Variants in MAGED1 observed in about 807,000 individuals in gnomAD.
The protein encoded by MAGED1 is melanoma-associated antigen D1.
Under a neutral mutation model 54.1 loss-of-function variants are expected in MAGED1, and 3 were observed. That is an observed-to-expected ratio of 0.06 (90% CI 0.03 to 0.14). The LOEUF (loss-of-function observed/expected upper bound fraction) is 0.14, where lower values mean the gene tolerates loss of function less well. Ranked by LOEUF, MAGED1 falls within the 10% of genes least tolerant of loss-of-function variation. MAGED1 has a pLI of 1.00. For synonymous variants in MAGED1, 217 were observed against 227.3 expected (o/e 0.95, Z 0.41); for missense variants, 485 against 623.4 (o/e 0.78, Z 2.36).
upstream of MAGED1, among the ~76,000 whole-genome samples, chrX:51,892,008 A>T (rs1308992359): frequency 8.9e-6 from 1 of 112,250 alleles, no homozygotes; most frequent in Non-Finnish European, 1.9e-5. Context: ...GGCAGAACTG[A>T]TGTTGGCCCT....
At chrX:51,812,235 G>A (rs1282068158) in intron 1 of MAGED1, among the ~76,000 whole-genome samples, 1 of 111,485 alleles carries the variant, frequency 9.0e-6, no homozygotes, top group Non-Finnish European at 1.9e-5. Flanking sequence ...AAAGCTGTGA[G>A]TGGGACCAGA....
At chrX:51,844,545 G>T (rs1338311212) in intron 1 of MAGED1, among the ~76,000 whole-genome samples, 1 of 111,986 alleles carries the variant, frequency 8.9e-6, no homozygotes, top group Non-Finnish European at 1.9e-5. Context: ...AGCTTACTAT[G>T]GAGAGAAAGC....
chrX:51,841,070 A>G (rs1406669697), intron 1 of MAGED1, among the ~76,000 whole-genome samples: 3 of 104,780 alleles, frequency 2.9e-5, no homozygotes, highest in Non-Finnish European at 5.9e-5. Context: ...AAGTGTTCCT[A>G]TTTCTCCACA....
chrX:51,893,843 AT>A (rs1176609211), intron 1 of MAGED1, 88 bp downstream of exon 1: 1 of 111,311 alleles, frequency 9.0e-6, no homozygotes, highest in East Asian at 2.9e-4. Flanking sequence ...TGGATTCTGA[AT>A]CCCCTTCCAC....
chrX:51,894,375 C>T (rs12837412), intron 2 of MAGED1, 26 bp downstream of exon 2: 158,116 of 1,179,693 alleles, frequency 0.13, 7,575 homozygotes, highest in Middle Eastern at 0.15. Context: ...CCCACCCCAC[C>T]ATTTCCCCAG....
At chrX:51,884,143 A>C (rs1928160036) in intron 1 of MAGED1, among the ~76,000 whole-genome samples, 1 of 111,357 alleles carries the variant, frequency 9.0e-6, no homozygotes, top group Non-Finnish European at 1.9e-5. Flanking sequence ...TGGGGGAGAC[A>C]ATCCCACAGA....
chrX:51,839,660 T>C (rs1234257685), intron 1 of MAGED1, among the ~76,000 whole-genome samples: 2 of 112,406 alleles, frequency 1.8e-5, no homozygotes, highest in East Asian at 5.5e-4. Context: ...AGGCTCATAA[T>C]TGACAAAATG....
rs201938318 is a variant in MAGED1 at position 51,895,221 on chromosome X, G to A, written c.214G>A (p.Ala72Thr). 6.5e-5 allele frequency: 79 copies of A among 1,210,152 alleles called. No homozygotes were observed. Among genetic ancestry groups the A allele is most frequent in the Non-Finnish European group, 8.4e-5 (75 of 895,260 alleles). Residue 72 changes from alanine to threonine, a missense_variant, in exon 3 of 13, where the codon GCT (alanine) becomes ACT (threonine). Physicochemically the swap from Ala to Thr is moderately conservative, Grantham distance 58. Coordinates refer to ENST00000326587, the MANE Select transcript of MAGED1 (RefSeq NM_006986.4). Reference protein sequence around the residue: ...MADIQVSAAAARPKSAFKVQN... With the variant: ...MADIQVSAAATRPKSAFKVQN... ...TGACATTCAGGTTTCAGCAGCTGCCGCTAGGCCTAAGTCAGCCTTTAAAGT... is the reference window on the plus strand; with the variant it reads ...TGACATTCAGGTTTCAGCAGCTGCCACTAGGCCTAAGTCAGCCTTTAAAGT...
At chrX:51,864,273 A>G (rs1210440151) in intron 1 of MAGED1, among the ~76,000 whole-genome samples, 2 of 110,405 alleles carry the variant, frequency 1.8e-5, no homozygotes, top group African/African-American at 6.6e-5. Flanking sequence ...TTCCAACACC[A>G]TTTGTTGAAG....
intron 1 of MAGED1, among the ~76,000 whole-genome samples, chrX:51,806,872 T>G (rs191055518): frequency 9.1e-6 from 1 of 110,073 alleles, no homozygotes; most frequent in East Asian, 2.9e-4. Flanking sequence ...ACTGCAACCT[T>G]CGCCTCCCGG....
At chrX:51,810,402 T>C (rs1557355454) in intron 1 of MAGED1, among the ~76,000 whole-genome samples, 1 of 112,336 alleles carries the variant, frequency 8.9e-6, no homozygotes, top group Non-Finnish European at 1.9e-5. Context: ...TGTGAATACA[T>C]TGGAATGACT....
At chrX:51,897,994 G>A (rs1928839862) in intron 7 of MAGED1, 108 bp downstream of exon 7, 2 of 879,369 alleles carry the variant, frequency 2.3e-6, no homozygotes, top group Admixed American at 2.5e-5. Flanking sequence ...CAGGTCATGG[G>A]CAGAGCTGGG....
chrX:51,832,519 A>G (rs1298165421), intron 1 of MAGED1, among the ~76,000 whole-genome samples: 3 of 109,876 alleles, frequency 2.7e-5, no homozygotes, highest in Admixed American at 9.7e-5. Flanking sequence ...CCATGAGTTC[A>G]GTTTTTTTTT....
intron 1 of MAGED1, among the ~76,000 whole-genome samples, chrX:51,811,847 G>C (rs781832915): frequency 2.7e-5 from 3 of 111,336 alleles, no homozygotes; most frequent in East Asian, 2.8e-4. Context: ...GGAGAGCAGT[G>C]GGGGGAAGAT....
At chrX:51,882,048 G>A (rs1928075205) in intron 1 of MAGED1, among the ~76,000 whole-genome samples, 2 of 111,704 alleles carry the variant, frequency 1.8e-5, no homozygotes, top group Admixed American at 1.9e-4. Flanking sequence ...GCAGAGAGAG[G>A]CATTATGAAT....
chrX:51,875,415 A>T (rs782581729), intron 1 of MAGED1, among the ~76,000 whole-genome samples: 14 of 111,476 alleles, frequency 1.3e-4, no homozygotes, highest in Non-Finnish European at 2.3e-4. Flanking sequence ...TTGTTGCTCC[A>T]CAAACTGGAA....
At chrX:51,816,394 C>T (rs1925425973) in intron 1 of MAGED1, among the ~76,000 whole-genome samples, 1 of 111,527 alleles carries the variant, frequency 9.0e-6, no homozygotes, top group South Asian at 3.8e-4. Flanking sequence ...GGATTACAAG[C>T]GTGAGCCACC....
At chrX:51,840,528 C>T (rs370016901) in intron 1 of MAGED1, among the ~76,000 whole-genome samples, 1 of 108,920 alleles carries the variant, frequency 9.2e-6, no homozygotes, top group African/African-American at 3.4e-5. Context: ...TGGTGTGCTG[C>T]ACCCATTAAC....
chrX:51,894,275 G>T lies in MAGED1; in HGVS notation c.-30G>T. ...CCCTGCCCCTCTCCCACAGCCCCCA[G>T]GCTCCGCTCTTGCCAGAGGGACAGG... On this transcript the variant is annotated 5_prime_UTR_variant, in exon 2 of 13. The change creates a new upstream start codon in the 5' untranslated region. Transcript: ENST00000326587. The T allele has an allele frequency of 8.5e-7, 1 of 1,179,163 alleles. No homozygotes were observed. Among genetic ancestry groups the T allele is most frequent in the Non-Finnish European group, 1.1e-6 (1 of 874,467 alleles).
Sources: allele counts gnomAD v4.1 joint callset (sites outside exome capture counted in the v4.1 genomes callset), GRCh38; gene constraint gnomAD v4.1.1; transcripts MANE v1.5; gene names NCBI Gene and HGNC (gene_info 2026-07-23, HGNC 2026-07-21).